The following ZDHHC2 variants were observed in gnomAD, a reference collection of about 807,000 sequenced individuals.
ZDHHC2 encodes zDHHC palmitoyltransferase 2, also known as palmitoyltransferase ZDHHC2.
ZDHHC2 carries 51 observed loss-of-function variants against 55.6 expected under a neutral mutation model. The observed-to-expected ratio is 0.92, with a 90% CI of 0.73 to 1.16. The LOEUF is 1.16. Among genes scored for constraint, ZDHHC2 ranks in the 50% most tolerant of loss-of-function variants. The probability of loss-of-function intolerance (pLI) is 0.00; values close to 1 mark genes in which losing one functional copy is unlikely to be tolerated. For missense variants in ZDHHC2, 491 were observed against 442.4 expected (o/e 1.11, Z -0.99); for synonymous variants, 199 against 152.9 (o/e 1.30, Z -2.22).
At chr8:17,181,488 A>G (rs549481446) in intron 1 of ZDHHC2, among the ~76,000 whole-genome samples, 5 of 152,322 alleles carry the variant, frequency 3.3e-5, no homozygotes, top group African/African-American at 9.6e-5. Context: ...TCTGTTGACA[A>G]AAATTGAAAT....
rs1188125901 is a variant in ZDHHC2 at position 17,224,054 on chromosome 8, T to C, written c.*3833T>C. The stretch of plus-strand genomic sequence containing the variant: ...CCATTTTTTTTTTCCTTCCTCAAAA[T>C]AGTCTCCTTGAAATGTGAGCAAAGA... On this transcript the variant is annotated 3_prime_UTR_variant, in exon 13 of 13. Coordinates refer to ENST00000262096, the MANE Select transcript of ZDHHC2 (RefSeq NM_016353.5). 2 of 151,380 alleles carry C rather than the reference T, an allele frequency of 1.3e-5. No individual in the cohort carries two copies. Among genetic ancestry groups the C allele is most frequent in the Non-Finnish European group, 3.0e-5 (2 of 67,592 alleles). The allele number at this position is 151,380 out of a possible 1,614,324, so 9.4% of individuals were successfully genotyped here.
intron 1 of ZDHHC2, among the ~76,000 whole-genome samples, chr8:17,174,885 G>T (rs1383470298): frequency 6.0e-5 from 9 of 150,836 alleles, no homozygotes; most frequent in East Asian, 2.0e-4. Flanking sequence ...TAATTGTGGG[G>T]TTTTTTTTGT....
chr8:17,210,131 C>T, intron 9 of ZDHHC2, 73 bp downstream of exon 9: 1 of 1,481,694 alleles, frequency 6.7e-7, no homozygotes, highest in African/African-American at 1.4e-5. Flanking sequence ...TCAGGAAAAG[C>T]CTCTAGTTCC....
chr8:17,167,853 A>G (rs1033290518), intron 1 of ZDHHC2, among the ~76,000 whole-genome samples: 21 of 145,824 alleles, frequency 1.4e-4, no homozygotes, highest in African/African-American at 4.0e-4. Flanking sequence ...TCACAAAAAA[A>G]TGAGTGAAAT....
Position 17,205,695 on chromosome 8 carries a change from C to G in ZDHHC2, c.517C>G (p.Leu173Val). 2 of 1,608,218 alleles carry G rather than the reference C, an allele frequency of 1.2e-6. No homozygotes were observed. Among genetic ancestry groups the G allele is most frequent in the East Asian group, 4.5e-5 (2 of 44,692 alleles). ...CVGFSNYKFF[L>V]LFLAYSLLYC... The stretch of plus-strand genomic sequence containing the variant: ...TGGATTTTCAAATTATAAGTTCTTT[C>G]TCCTTTTCTTGGCTTATTCTCTGCT... The change falls in exon 7 of 13, where the codon CTC becomes GTC. Residue 173 changes from leucine (L) to valine (V), a missense_variant. Coordinates refer to ENST00000262096, the MANE Select transcript of ZDHHC2 (RefSeq NM_016353.5).
chr8:17,199,533 T>G (rs865782513), intron 6 of ZDHHC2, among the ~76,000 whole-genome samples: 1 of 31,260 alleles, frequency 3.2e-5, no homozygotes, highest in Non-Finnish European at 7.6e-5. Context: ...CTTCGTCTTC[T>G]GTCTTCGTCT....
intron 10 of ZDHHC2, among the ~76,000 whole-genome samples, chr8:17,211,067 C>G (rs1232719051): frequency 6.6e-6 from 1 of 152,138 alleles, no homozygotes; most frequent in Non-Finnish European, 1.5e-5. Context: ...TGTTTTGATT[C>G]CAGACTATCA....
Position 17,222,027 on chromosome 8 carries a change from T to C in ZDHHC2, c.*1806T>C, listed in dbSNP as rs569374769. 1.3e-5 allele frequency: 2 copies of C among 150,114 alleles called. No homozygotes were observed. Among genetic ancestry groups the C allele is most frequent in the African/African-American group, 4.9e-5 (2 of 40,820 alleles). 9.3% of individuals were successfully genotyped at this position (150,114 alleles called of 1,614,324 possible). A position where few individuals can be genotyped will look rare whatever the true frequency, so the allele number is the denominator to read the frequency against. Reference sequence around the variant, plus strand: ...CAAAGCACAGTACTGTTAGCTGTTTTTGTGGACAGGATTCGATTAAGTATT... The same window carrying C: ...CAAAGCACAGTACTGTTAGCTGTTTCTGTGGACAGGATTCGATTAAGTATT... On this transcript the variant is annotated 3_prime_UTR_variant, in exon 13 of 13. Coordinates refer to ENST00000262096, the MANE Select transcript of ZDHHC2 (RefSeq NM_016353.5).
At chr8:17,201,669 T>TG (rs1176807976) in intron 6 of ZDHHC2, among the ~76,000 whole-genome samples, 1 of 149,970 alleles carries the variant, frequency 6.7e-6, no homozygotes, top group African/African-American at 2.5e-5. Flanking sequence ...TTTTTGGTTT[T>TG]TTTTTTTTTT....
rs78300699 is a variant in ZDHHC2 at position 17,192,683 on chromosome 8, C to G, written c.253-2821C>G. Among the ~76,000 whole-genome samples the G allele has an allele frequency of 4.2e-3, 647 of 152,296 alleles. 4 individuals carry two copies. Among genetic ancestry groups the G allele is most frequent in the Non-Finnish European group, 7.7e-3 (523 of 68,034 alleles). The stretch of plus-strand genomic sequence containing the variant: ...TTGCCTGTGCTTGTGAGGTATGATT[C>G]AAGAAATCCTTGCCTACACCAATGC... On this transcript the variant is annotated intron_variant, in intron 3 of 12. Coordinates refer to ENST00000262096, the MANE Select transcript of ZDHHC2 (RefSeq NM_016353.5).
At chr8:17,215,432 C>T (rs1194599285) in intron 11 of ZDHHC2, 83 bp downstream of exon 11, 10 of 1,028,536 alleles carry the variant, frequency 9.7e-6, no homozygotes, top group East Asian at 2.6e-5. Flanking sequence ...CATTATACTA[C>T]CTACAGATGT....
chr8:17,159,593 A>G (rs1053793271), intron 1 of ZDHHC2, among the ~76,000 whole-genome samples: 8 of 152,170 alleles, frequency 5.3e-5, no homozygotes, highest in African/African-American at 1.7e-4. Context: ...GTGGCTCTCT[A>G]GGCACTTTTT....
intron 6 of ZDHHC2, among the ~76,000 whole-genome samples, chr8:17,200,810 C>T (rs1206247728): frequency 6.6e-6 from 1 of 152,176 alleles, no homozygotes; most frequent in Non-Finnish European, 1.5e-5. Context: ...CTACACACCA[C>T]CTGCTGTTAC....
At chr8:17,195,825 G>T (rs558053049) in intron 4 of ZDHHC2, among the ~76,000 whole-genome samples, 1 of 152,030 alleles carries the variant, frequency 6.6e-6, no homozygotes, top group East Asian at 1.9e-4. Context: ...CACAGAGATC[G>T]CAAGGAAATC....
At position 17,222,249 on chromosome 8, in the gene ZDHHC2, C is replaced by A. The variant is rs1423932356; in HGVS notation, c.*2028C>A. The A allele has an allele frequency of 6.6e-6, 1 of 151,412 alleles. No homozygotes were observed. Among genetic ancestry groups the A allele is most frequent in the African/African-American group, 2.4e-5 (1 of 41,302 alleles). 9.4% of individuals were successfully genotyped at this position (151,412 alleles called of 1,614,324 possible). On this transcript the variant is annotated 3_prime_UTR_variant, in exon 13 of 13. Coordinates refer to ENST00000262096, the MANE Select transcript of ZDHHC2 (RefSeq NM_016353.5). ...CTTTCTGTTTTCATATAGTGAATAACCTTTAAAGGGTTGTTTTGTTTTGTT... is the reference window on the plus strand; with the variant it reads ...CTTTCTGTTTTCATATAGTGAATAAACTTTAAAGGGTTGTTTTGTTTTGTT...
intron 1 of ZDHHC2, among the ~76,000 whole-genome samples, chr8:17,159,434 C>G (rs193258336): frequency 1.3e-5 from 2 of 152,302 alleles, no homozygotes; most frequent in African/African-American, 4.8e-5. Flanking sequence ...CATCTGCTCT[C>G]AGCTAGGGAT....
chr8:17,167,173 C>A (rs1804643298), intron 1 of ZDHHC2, among the ~76,000 whole-genome samples: 2 of 151,968 alleles, frequency 1.3e-5, no homozygotes, highest in African/African-American at 4.8e-5. Context: ...CAGTTTGAGC[C>A]CTCTGAGCAG....
At chr8:17,192,729 TTTTC>T (rs1806099320) in intron 3 of ZDHHC2, among the ~76,000 whole-genome samples, 1 of 152,302 alleles carries the variant, frequency 6.6e-6, no homozygotes, top group Admixed American at 6.5e-5. Flanking sequence ...TTCCCCAACG[TTTTC>T]TTTTACTGGT....
chr8:17,168,310 G>T (rs1239813478), intron 1 of ZDHHC2, among the ~76,000 whole-genome samples: 3 of 152,144 alleles, frequency 2.0e-5, no homozygotes, highest in Non-Finnish European at 4.4e-5. Flanking sequence ...ACAAAGCTTT[G>T]TTTTTCTCTG....
Sources: allele counts gnomAD v4.1 joint callset (sites outside exome capture counted in the v4.1 genomes callset), GRCh38; gene constraint gnomAD v4.1.1; transcripts MANE v1.5; gene names NCBI Gene and HGNC (gene_info 2026-07-23, HGNC 2026-07-21).